The following TSPAN3 variants were observed in gnomAD, a reference collection of about 807,000 sequenced individuals.
TSPAN3 encodes tetraspanin 3, also known as tetraspanin-3.
TSPAN3 carries 9 observed loss-of-function variants against 31.1 expected under a neutral mutation model. The observed-to-expected ratio is 0.29, with a 90% CI of 0.17 to 0.50. The LOEUF (loss-of-function observed/expected upper bound fraction) is 0.50, where lower values mean the gene tolerates loss of function less well. Among genes scored for constraint, TSPAN3 ranks in the 20% least tolerant of loss-of-function variants. The probability of loss-of-function intolerance (pLI) is 0.98; values close to 1 mark genes in which losing one functional copy is unlikely to be tolerated. For missense variants in TSPAN3, 252 were observed against 313.5 expected (o/e 0.80, Z 1.48); for synonymous variants, 129 against 114.3 (o/e 1.13, Z -0.82).
intron 1 of TSPAN3, among the ~76,000 whole-genome samples, 194 bp downstream of exon 1, chr15:77,070,698 A>G (rs2076863267): frequency 6.6e-6 from 1 of 151,136 alleles, no homozygotes; most frequent in Non-Finnish European, 1.5e-5. Context: ...CTCCGCGCCC[A>G]GGCTCCCGGC....
chr15:77,054,221 T>C lies in TSPAN3; in HGVS notation c.389A>G (p.Asn130Ser). Residue 130 changes from asparagine to serine, a missense_variant, in exon 4 of 7, where the codon AAC becomes AGC. Coordinates refer to ENST00000267970, the MANE Select transcript of TSPAN3 (RefSeq NM_005724.6). ...AATAGCCCGGCTAGCAGCATCAGGG[T>C]TGGTTCCATTGTAGGTCTTATACAC... ...QKVYKTYNGT[N>S]PDAASRAIDY... is the part of the protein sequence containing the mutation. 1 of 1,613,960 alleles carries C rather than the reference T, an allele frequency of 6.2e-7. No homozygotes were observed. The highest frequency in any genetic ancestry group is 8.5e-7 in the Non-Finnish European group (1 of 1,179,918).
At chr15:77,048,729 C>T (rs1184414241) in intron 6 of TSPAN3, among the ~76,000 whole-genome samples, 1 of 152,060 alleles carries the variant, frequency 6.6e-6, no homozygotes, top group Admixed American at 6.6e-5. Context: ...ATGAAATACT[C>T]TCTTGCAATA....
At chr15:77,060,822 C>G (rs966562650) in intron 1 of TSPAN3, among the ~76,000 whole-genome samples, 9 of 151,896 alleles carry the variant, frequency 5.9e-5, no homozygotes, top group African/African-American at 2.2e-4. Context: ...TGTGCCAGGA[C>G]AGTGTACTAA....
At chr15:77,047,389 G>A (rs955990314) in intron 6 of TSPAN3, among the ~76,000 whole-genome samples, 2 of 152,184 alleles carry the variant, frequency 1.3e-5, no homozygotes, top group Non-Finnish European at 2.9e-5. Context: ...AAGGCCTGGG[G>A]AGTAGAATGA....
At chr15:77,059,631 T>G (rs532692680) in intron 1 of TSPAN3, among the ~76,000 whole-genome samples, 1 of 152,186 alleles carries the variant, frequency 6.6e-6, no homozygotes, top group Non-Finnish European at 1.5e-5. Context: ...TGTTGTAGGT[T>G]TTTTTTACTC....
chr15:77,048,453 A>T (rs947447645), intron 6 of TSPAN3, among the ~76,000 whole-genome samples: 1 of 152,056 alleles, frequency 6.6e-6, no homozygotes, highest in East Asian at 1.9e-4. Flanking sequence ...TGAAATAAGT[A>T]TTTCTTTCCC....
At chr15:77,066,067 TA>T (rs560697585) in intron 1 of TSPAN3, among the ~76,000 whole-genome samples, 3 of 151,476 alleles carry the variant, frequency 2.0e-5, no homozygotes, top group Non-Finnish European at 4.4e-5. Flanking sequence ...TAATAGGGTT[TA>T]AAAAAAAAGT....
At chr15:77,047,161 G>C (rs2076698395) in intron 6 of TSPAN3, among the ~76,000 whole-genome samples, 1 of 152,178 alleles carries the variant, frequency 6.6e-6, no homozygotes, top group African/African-American at 2.4e-5. Context: ...AGGGAATCAA[G>C]TCTCTCTTAT....
intron 6 of TSPAN3, among the ~76,000 whole-genome samples, chr15:77,047,768 AT>A (rs1471330873): frequency 6.6e-6 from 1 of 151,526 alleles, no homozygotes; most frequent in Admixed American, 6.6e-5. Flanking sequence ...CCAAAATATA[AT>A]TTTTTTGTGA....
At chr15:77,054,322 A>C (rs748944453) in intron 3 of TSPAN3, 43 bp from the exon 4 acceptor site, 1 of 1,339,690 alleles carries the variant, frequency 7.5e-7, no homozygotes, top group Admixed American at 1.7e-5. Flanking sequence ...AATACTAGTA[A>C]AAGTAACATT....
intron 6 of TSPAN3, among the ~76,000 whole-genome samples, chr15:77,047,462 C>CAGTA (rs1177566174): frequency 6.6e-6 from 1 of 152,114 alleles, no homozygotes; most frequent in Non-Finnish European, 1.5e-5. Flanking sequence ...AAACGAAATT[C>CAGTA]AGTATGTGAA....
In TSPAN3 at chr15:77,041,977, G is replaced by A. The variant is rs2076662722; in HGVS notation, c.*4858C>T. ...GTAGTGGAGGCACTGGAGGCAGCCTGCAGGCCTGCCCTTTATACACCTTGG... is the reference window on the plus strand; with the variant it reads ...GTAGTGGAGGCACTGGAGGCAGCCTACAGGCCTGCCCTTTATACACCTTGG... On this transcript the variant is annotated 3_prime_UTR_variant, in exon 7 of 7. Coordinates refer to ENST00000267970, the MANE Select transcript of TSPAN3 (RefSeq NM_005724.6). 1 of 152,204 alleles carries A rather than the reference G, an allele frequency of 6.6e-6. No homozygotes were observed. The highest frequency in any genetic ancestry group is 2.1e-4 in the South Asian group (1 of 4,830). The allele number at this position is 152,204 out of a possible 1,614,324, so 9.4% of individuals were successfully genotyped here.
At chr15:77,056,024 T>C (rs115731547) in intron 2 of TSPAN3, 40 bp downstream of exon 2, 3 of 1,566,086 alleles carry the variant, frequency 1.9e-6, no homozygotes, top group East Asian at 4.5e-5. Context: ...GAGAGTAGCA[T>C]AGACTAAATA....
chr15:77,069,562 C>A (rs2076854111), intron 1 of TSPAN3, among the ~76,000 whole-genome samples: 1 of 152,242 alleles, frequency 6.6e-6, no homozygotes, highest in African/African-American at 2.4e-5. Flanking sequence ...TGTTTGCCAA[C>A]AGCTACTACC....
chr15:77,051,603 A>C (rs2076731426), intron 6 of TSPAN3, among the ~76,000 whole-genome samples: 1 of 151,676 alleles, frequency 6.6e-6, no homozygotes, highest in African/African-American at 2.4e-5. Flanking sequence ...AAATCCCAAC[A>C]CTTTAGGAGG....
At chr15:77,059,041 G>A (rs2152696857) in intron 1 of TSPAN3, among the ~76,000 whole-genome samples, 1 of 152,244 alleles carries the variant, frequency 6.6e-6, no homozygotes, top group Non-Finnish European at 1.5e-5. Context: ...AAAGTGGGGG[G>A]GAGTGGAGAA....
intron 1 of TSPAN3, among the ~76,000 whole-genome samples, chr15:77,066,082 G>C (rs2076831087): frequency 6.6e-6 from 1 of 152,048 alleles, no homozygotes; most frequent in Non-Finnish European, 1.5e-5. Flanking sequence ...AAAAAGTAAA[G>C]GTAATTTGTA....
intron 1 of TSPAN3, among the ~76,000 whole-genome samples, chr15:77,061,142 T>A (rs1362385748): frequency 6.6e-6 from 1 of 152,232 alleles, no homozygotes; most frequent in Non-Finnish European, 1.5e-5. Context: ...AGAGATTTCA[T>A]TCTTATATGA....
At position 77,052,402 on chromosome 15, in the gene TSPAN3, C is replaced by T. The variant is rs763476861; in HGVS notation, c.652G>A (p.Ala218Thr). Reference sequence around the variant, plus strand: ...GTGCTTACCTGAATAGCTGCAAATGCCAGTGCGGCCCAGATCACATGCATC... The same window carrying T: ...GTGCTTACCTGAATAGCTGCAAATGTCAGTGCGGCCCAGATCACATGCATC... ...IMMHVIWAAL[A>T]FAAIQLLGML... The change falls in exon 6 of 7, where the codon GCA becomes ACA. Residue 218 changes from alanine (A) to threonine (T), a missense_variant. By Grantham distance (58) the Ala-to-Thr change is moderately conservative. Transcript: ENST00000267970. 2.5e-6 allele frequency: 4 copies of T among 1,614,076 alleles called. No individual in the cohort carries two copies. The Admixed American group carries it at 5.0e-5, about 20-fold the overall frequency.
Sources: gnomAD v4.1 joint callset for allele counts (sites outside exome capture counted in the v4.1 genomes callset) on GRCh38, gnomAD v4.1.1 for gene constraint, MANE v1.5 for transcripts, NCBI Gene and HGNC (gene_info 2026-07-23, HGNC 2026-07-21) for gene names.